ST6GALNAC3: variants seen among roughly 807,000 people sequenced by gnomAD.
ST6GALNAC3 encodes the protein ST6 N-acetylgalactosaminide alpha-2,6-sialyltransferase 3.
A neutral mutation model predicts 32.7 loss-of-function variants in ST6GALNAC3; 25 were observed. The ratio of observed to expected loss-of-function variants is 0.76; its 90% CI spans 0.56 to 1.07. The LOEUF is 1.07. ST6GALNAC3 is among the 50% of genes least tolerant of loss of function. The pLI, the probability that ST6GALNAC3 is intolerant of heterozygous loss-of-function variation, is 0.00. For missense variants in ST6GALNAC3, 355 were observed against 382.4 expected, an observed-to-expected ratio of 0.93 and a Z score of 0.60; for synonymous variants, 129 against 133.1, an observed-to-expected ratio of 0.97 and a Z score of 0.21.
At chr1:76,570,231 AAC>A (rs1665780291) in intron 3 of ST6GALNAC3, among the ~76,000 whole-genome samples, 1 of 152,172 alleles carries the variant, frequency 6.6e-6, no homozygotes, top group Admixed American at 6.6e-5. Context: ...ATAAAATATC[AAC>A]CTTTATGGAA....
Position 76,630,901 on chromosome 1 carries a change from T to TC in ST6GALNAC3, c.*2100dup. The TC allele has an allele frequency of 1.0e-6, 1 of 985,632 alleles. No individual in the cohort carries two copies. The highest frequency in any genetic ancestry group is 1.2e-6 in the Non-Finnish European group (1 of 829,822). 61.1% of individuals were successfully genotyped at this position (985,632 alleles called of 1,614,324 possible). ...TTAAAATTGCCATACAGACTGTTTTTCCCCCTGTTGTTTCACTTTAAAATA... is the reference window on the plus strand; with the variant it reads ...TTAAAATTGCCATACAGACTGTTTTTCCCCCCTGTTGTTTCACTTTAAAATA... On this transcript the variant is annotated 3_prime_UTR_variant, in exon 5 of 5. Transcript: ENST00000328299.
intron 3 of ST6GALNAC3, among the ~76,000 whole-genome samples, chr1:76,455,316 A>T (rs544933939): frequency 6.6e-6 from 1 of 151,968 alleles, no homozygotes; most frequent in African/African-American, 2.4e-5. Flanking sequence ...TCAATTTATG[A>T]TCATCTTCTG....
At chr1:76,476,481 G>A (rs1571350385) in intron 3 of ST6GALNAC3, among the ~76,000 whole-genome samples, 1 of 152,126 alleles carries the variant, frequency 6.6e-6, no homozygotes, top group African/African-American at 2.4e-5. Flanking sequence ...GAGAGAAAAT[G>A]CATTAAGTAA....
intron 1 of ST6GALNAC3, among the ~76,000 whole-genome samples, chr1:76,107,725 C>T (rs899488956): frequency 7.2e-5 from 11 of 152,132 alleles, no homozygotes; most frequent in African/African-American, 1.4e-4. Flanking sequence ...ACACTATGGG[C>T]GACCCATGTG....
chr1:76,157,184 T>G (rs1467523920), intron 1 of ST6GALNAC3, among the ~76,000 whole-genome samples: 1 of 152,214 alleles, frequency 6.6e-6, no homozygotes, highest in Non-Finnish European at 1.5e-5. Context: ...TCTACTGATC[T>G]ACAAATATAT....
At chr1:76,157,634 C>A (rs548888969) in intron 1 of ST6GALNAC3, among the ~76,000 whole-genome samples, 2 of 152,146 alleles carry the variant, frequency 1.3e-5, no homozygotes, top group Non-Finnish European at 2.9e-5. Flanking sequence ...TCCGGGATTA[C>A]CCTGACTGCC....
intron 1 of ST6GALNAC3, among the ~76,000 whole-genome samples, chr1:76,222,968 C>A (rs1655863694): frequency 6.6e-6 from 1 of 152,134 alleles, no homozygotes; most frequent in South Asian, 2.1e-4. Flanking sequence ...TAAATTAGTT[C>A]AGCCATTGTG....
intron 1 of ST6GALNAC3, among the ~76,000 whole-genome samples, chr1:76,188,374 C>T (rs577393667): frequency 9.2e-5 from 14 of 152,218 alleles, no homozygotes; most frequent in African/African-American, 3.1e-4. Context: ...AAAAAAACAT[C>T]TGTATGTATT....
At chr1:76,494,101 C>A (rs576015677) in intron 3 of ST6GALNAC3, among the ~76,000 whole-genome samples, 1 of 151,950 alleles carries the variant, frequency 6.6e-6, no homozygotes, top group Non-Finnish European at 1.5e-5. Flanking sequence ...TACCCAATCT[C>A]GGCAGCAGGA....
chr1:76,370,566 C>A (rs1650736416), intron 2 of ST6GALNAC3, among the ~76,000 whole-genome samples: 1 of 152,062 alleles, frequency 6.6e-6, no homozygotes, highest in African/African-American at 2.4e-5. Flanking sequence ...CCAAGAGTGA[C>A]TTGTTCGGGG....
intron 3 of ST6GALNAC3, among the ~76,000 whole-genome samples, chr1:76,440,508 G>A (rs1056889130): frequency 6.6e-6 from 1 of 152,142 alleles, no homozygotes; most frequent in African/African-American, 2.4e-5. Context: ...TATGCCAAGG[G>A]CAAAATATCC....
intron 3 of ST6GALNAC3, among the ~76,000 whole-genome samples, chr1:76,557,311 A>G (rs531841337): frequency 6.6e-6 from 1 of 152,226 alleles, no homozygotes; most frequent in Non-Finnish European, 1.5e-5. Flanking sequence ...GAAAGTGTGA[A>G]TCCTCCAACT....
intron 3 of ST6GALNAC3, among the ~76,000 whole-genome samples, chr1:76,416,034 AACAC>A (rs60710007): frequency 0.5 from 71,534 of 144,176 alleles, 18,271 homozygotes; most frequent in East Asian, 0.58. Context: ...TTTATTCCAC[AACAC>A]ACACACACAC....
intron 2 of ST6GALNAC3, among the ~76,000 whole-genome samples, chr1:76,394,009 T>C (rs1652759084): frequency 6.6e-6 from 1 of 152,146 alleles, no homozygotes; most frequent in South Asian, 2.1e-4. Context: ...TAAACAAAGT[T>C]TATATTGTCC....
At chr1:76,233,096 G>A (rs746100067) in intron 1 of ST6GALNAC3, among the ~76,000 whole-genome samples, 6 of 152,112 alleles carry the variant, frequency 3.9e-5, no homozygotes, top group Non-Finnish European at 8.8e-5. Flanking sequence ...GTCAATGTTC[G>A]ATACATGTTC....
rs576884229 is a variant in ST6GALNAC3 at position 76,352,299 on chromosome 1, C to CA, written c.213+38301dup. Among the ~76,000 whole-genome samples the CA allele has an allele frequency of 3.1e-3, 466 of 151,814 alleles. 3 individuals carry two copies. The highest frequency in any genetic ancestry group is 0.01 in the African/African-American group (428 of 41,458). On this transcript the variant is annotated intron_variant, in intron 2 of 4. Coordinates refer to ENST00000328299, the MANE Select transcript of ST6GALNAC3 (RefSeq NM_152996.4). ...TCATCAGTGGTCAACATTGTCAACA[C>CA]ATTGTTCTGTGTTTTTGGCTGACTC...
chr1:76,565,153 C>T (rs978725811), intron 3 of ST6GALNAC3, among the ~76,000 whole-genome samples: 4 of 152,084 alleles, frequency 2.6e-5, no homozygotes, highest in Non-Finnish European at 5.9e-5. Context: ...GCTGGGCTCC[C>T]ATTGGGTCAG....
chr1:76,469,104 T>C (rs1416326419), intron 3 of ST6GALNAC3, among the ~76,000 whole-genome samples: 2 of 152,104 alleles, frequency 1.3e-5, no homozygotes, highest in Non-Finnish European at 2.9e-5. Flanking sequence ...TGCATATGTT[T>C]ATTTTAAATT....
At chr1:76,290,236 T>A (rs1019532899) in intron 1 of ST6GALNAC3, among the ~76,000 whole-genome samples, 5 of 152,260 alleles carry the variant, frequency 3.3e-5, no homozygotes, top group Admixed American at 6.5e-5. Context: ...TCTATTCATT[T>A]ATGCTCAGGT....
Sources: gnomAD v4.1 joint callset for allele counts (sites outside exome capture counted in the v4.1 genomes callset) on GRCh38, gnomAD v4.1.1 for gene constraint, MANE v1.5 for transcripts, NCBI Gene and HGNC (gene_info 2026-07-23, HGNC 2026-07-21) for gene names.